Variants in NTM observed in about 807,000 individuals in gnomAD.
NTM encodes neurotrimin, also known as IgLON family member 2.
In NTM, 13 loss-of-function variants were observed where a neutral mutation model predicts 42.1. That is an observed-to-expected ratio of 0.31 (90% CI 0.20 to 0.49). NTM has a LOEUF of 0.49. Ranked by LOEUF, NTM falls within the 20% of genes least tolerant of loss-of-function variation. NTM has a pLI of 0.99. For missense variants in NTM, 373 were observed against 452.8 expected (o/e 0.82, Z 1.60); for synonymous variants, 187 against 179.2 (o/e 1.04, Z -0.35).
chr11:131,726,325 T>C (rs1323328238), intron 1 of NTM, among the ~76,000 whole-genome samples: 1 of 151,834 alleles, frequency 6.6e-6, no homozygotes, highest in East Asian at 1.9e-4. Context: ...AAAAAAATGG[T>C]GGTTGCACAA....
Position 132,256,771 on chromosome 11 carries a change from A to T in NTM, c.526+44624A>T, listed in dbSNP as rs117938317. The stretch of plus-strand genomic sequence containing the variant: ...ACTTCAGGAGAGGCAGAGGTGGGCC[A>T]ATCAGCCCCACTCTCACATATGGCC... On this transcript the variant is annotated intron_variant, in intron 4 of 8. Transcript: ENST00000683400. Among the ~76,000 whole-genome samples, 176 of 152,194 alleles carry T rather than the reference A, an allele frequency of 1.2e-3. 1 individual carries two copies. The East Asian group carries it at 0.033, about 29-fold the overall frequency.
intron 3 of NTM, among the ~76,000 whole-genome samples, chr11:132,171,381 G>T (rs1280099988): frequency 6.6e-6 from 1 of 152,216 alleles, no homozygotes; most frequent in Non-Finnish European, 1.5e-5. Context: ...CCGAGATCAA[G>T]GTTCTGGCAG....
rs189163595 is a variant in NTM at position 131,599,178 on chromosome 11, G to A, written c.82+228290G>A. On this transcript the variant is annotated intron_variant, in intron 1 of 8. Coordinates refer to ENST00000683400, the MANE Select transcript of NTM (RefSeq NM_001352005.2). ...GATGCACCCACCTCAGCCTCCCAAA[G>A]TTCTGGGATTACAGGCTTGAGCCAC... Among the ~76,000 whole-genome samples the A allele has an allele frequency of 7.7e-3, 1,168 of 152,176 alleles. 10 individuals are homozygous for A. The highest frequency in any genetic ancestry group is 0.024 in the Middle Eastern group (7 of 294).
intron 2 of NTM, among the ~76,000 whole-genome samples, chr11:132,042,324 T>C (rs2077312874): frequency 6.6e-6 from 1 of 152,198 alleles, no homozygotes; most frequent in Non-Finnish European, 1.5e-5. Flanking sequence ...CTATGGCTAC[T>C]GGGACTGGAA....
chr11:132,166,366 T>C (rs999524491), intron 3 of NTM, among the ~76,000 whole-genome samples: 27 of 152,080 alleles, frequency 1.8e-4, no homozygotes, highest in Non-Finnish European at 3.5e-4. Context: ...CACGATAATC[T>C]AGAGATGGGT....
At chr11:132,319,349 C>T (rs2095507518) in intron 7 of NTM, among the ~76,000 whole-genome samples, 1 of 152,192 alleles carries the variant, frequency 6.6e-6, no homozygotes, top group Non-Finnish European at 1.5e-5. Flanking sequence ...CACAAGGGGT[C>T]AGGGAATTCC....
At chr11:131,758,054 A>G (rs796569653) in intron 1 of NTM, among the ~76,000 whole-genome samples, 17 of 152,362 alleles carry the variant, frequency 1.1e-4, no homozygotes, top group African/African-American at 4.1e-4. Flanking sequence ...GTCACCGGAC[A>G]CTACAGGGCT....
chr11:131,807,384 C>T (rs2092553061), intron 1 of NTM, among the ~76,000 whole-genome samples: 3 of 152,306 alleles, frequency 2.0e-5, no homozygotes, highest in Admixed American at 2.0e-4. Context: ...ACTTCAAAAT[C>T]TAGAAAGCTT....
At chr11:132,334,120 G>A (rs2095847375) in intron 8 of NTM, among the ~76,000 whole-genome samples, 1 of 152,226 alleles carries the variant, frequency 6.6e-6, no homozygotes, top group African/African-American at 2.4e-5. Context: ...TAATTCATCT[G>A]GGCATCCAAA....
At chr11:132,302,589 T>C (rs893677637) in intron 4 of NTM, among the ~76,000 whole-genome samples, 4 of 152,150 alleles carry the variant, frequency 2.6e-5, no homozygotes, top group Non-Finnish European at 4.4e-5. Flanking sequence ...AGTTAGTCAA[T>C]AAGAAGTTGG....
intron 1 of NTM, among the ~76,000 whole-genome samples, chr11:131,487,858 G>A (rs957635966): frequency 6.6e-6 from 1 of 152,212 alleles, no homozygotes; most frequent in African/African-American, 2.4e-5. Context: ...CTCTGGAGAA[G>A]GGACGGAATG....
intron 3 of NTM, among the ~76,000 whole-genome samples, chr11:132,171,028 C>A (rs1263434007): frequency 2.0e-5 from 3 of 152,300 alleles, no homozygotes; most frequent in Admixed American, 2.0e-4. Flanking sequence ...AAAAGTTATA[C>A]ATTTTGGGGT....
intron 2 of NTM, among the ~76,000 whole-genome samples, chr11:131,927,295 C>T (rs2058069976): frequency 6.6e-6 from 1 of 152,138 alleles, no homozygotes; most frequent in Admixed American, 6.5e-5. Context: ...CCTGGGGTTG[C>T]CTTTGTTATT....
chr11:131,751,341 A>AG, intron 1 of NTM, among the ~76,000 whole-genome samples: 1 of 152,182 alleles, frequency 6.6e-6, no homozygotes, highest in South Asian at 2.1e-4. Context: ...GTGTAATCCC[A>AG]GCACTTCGGG....
intron 1 of NTM, among the ~76,000 whole-genome samples, chr11:131,717,610 A>G (rs1435662896): frequency 1.3e-5 from 2 of 152,214 alleles, no homozygotes; most frequent in Non-Finnish European, 2.9e-5. Flanking sequence ...TTGTTCTAGT[A>G]GTTTTTATTG....
intron 1 of NTM, among the ~76,000 whole-genome samples, chr11:131,786,598 A>G (rs2089270437): frequency 6.6e-6 from 1 of 152,222 alleles, no homozygotes; most frequent in African/African-American, 2.4e-5. Context: ...TTTTTAAAAT[A>G]GTAAAACCCA....
chr11:131,517,068 A>G (rs372551053), intron 1 of NTM, among the ~76,000 whole-genome samples: 20 of 152,198 alleles, frequency 1.3e-4, no homozygotes, highest in African/African-American at 4.3e-4. Context: ...CTGACTGGGA[A>G]GTCTTTCCCA....
chr11:131,679,230 C>T (rs976243519), intron 1 of NTM, among the ~76,000 whole-genome samples: 17 of 152,218 alleles, frequency 1.1e-4, no homozygotes, highest in Middle Eastern at 3.4e-3. Context: ...CACCCATCTC[C>T]TCCCCTGTGC....
chr11:131,638,337 C>T (rs933243741), intron 1 of NTM, among the ~76,000 whole-genome samples: 2 of 151,960 alleles, frequency 1.3e-5, no homozygotes, highest in Non-Finnish European at 2.9e-5. Context: ...GAGGCCGAGA[C>T]GGGCAGATCA....
Sources: allele counts gnomAD v4.1 joint callset (sites outside exome capture counted in the v4.1 genomes callset), GRCh38; gene constraint gnomAD v4.1.1; transcripts MANE v1.5; gene names NCBI Gene and HGNC (gene_info 2026-07-23, HGNC 2026-07-21).